Variants in DOP1A observed in about 807,000 individuals in gnomAD.
DOP1A encodes DOP1 leucine zipper like protein A.
DOP1A carries 90 observed loss-of-function variants against 267.6 expected under a neutral mutation model. That is an observed-to-expected ratio of 0.34 (90% CI 0.28 to 0.40). The LOEUF (loss-of-function observed/expected upper bound fraction) is 0.40. Among genes scored for constraint, DOP1A ranks in the 10% least tolerant of loss-of-function variants. The pLI is 1.00. For synonymous variants in DOP1A, 932 were observed against 999.1 expected (o/e 0.93, Z 1.27); for missense variants, 2,437 against 2,900.4 (o/e 0.84, Z 3.67).
chr6:83,168,758 T>G, downstream of DOP1A: 2 of 1,000,822 alleles, frequency 2.0e-6, no homozygotes, highest in Non-Finnish European at 2.4e-6. Flanking sequence ...GTCATATAGG[T>G]AAGTCATCTA....
intron 1 of DOP1A, among the ~76,000 whole-genome samples, chr6:83,081,780 T>C (rs1311192313): frequency 6.6e-6 from 1 of 152,186 alleles, no homozygotes; most frequent in Non-Finnish European, 1.5e-5. Context: ...AGAAAATATC[T>C]GCACACCATA....
At chr6:83,136,213 T>C (rs1253396826) in intron 20 of DOP1A, among the ~76,000 whole-genome samples, 1 of 152,168 alleles carries the variant, frequency 6.6e-6, no homozygotes, top group Non-Finnish European at 1.5e-5. Context: ...CATTGGGAAT[T>C]TATAGTAAAT....
intron 24 of DOP1A, 25 bp from the exon 25 acceptor site, chr6:83,145,499 A>T (rs372052661): frequency 6.4e-7 from 1 of 1,555,774 alleles, no homozygotes; most frequent in Non-Finnish European, 8.7e-7. Context: ...ACATACATAC[A>T]TACATACAAT....
rs528855726 is a variant in DOP1A, at chr6:83,105,109, AATATATAC to A, written c.321-3792_321-3785del. Among the ~76,000 whole-genome samples the A allele has an allele frequency of 3.2e-3, 489 of 152,226 alleles. 3 individuals carry two copies. Among genetic ancestry groups the A allele is most frequent in the African/African-American group, 0.011 (453 of 41,560 alleles). On this transcript the variant is annotated intron_variant, in intron 4 of 38. Transcript: ENST00000349129. ...AGACATATAATAACCAAACAATTAA[AATATATAC>A]ATATATACTCTCCAAAAAATAAGCT... is the stretch of plus-strand genomic sequence containing the variant.
rs770315078 is a variant in DOP1A at position 83,109,049 on chromosome 6, G to A, written c.460G>A (p.Gly154Ser). Residue 154 changes from glycine to serine, a missense_variant, in exon 5 of 39, where the codon GGC (glycine) becomes AGC (serine). Around this residue, in one of 9 missense-constraint regions of DOP1A, gnomAD observed 251 missense variants for 359.1 expected, o/e 0.70. Coordinates refer to ENST00000349129, the MANE Select transcript of DOP1A (RefSeq NM_015018.4). The stretch of plus-strand genomic sequence containing the variant: ...GGGATTGCTTACTGGTATTCTTCCT[G>A]GCTTAGAAGAAGGATCAGAGTACTA... ...LQGLLTGILPGLEEGSEYYER... is the reference protein window; with the variant it reads ...LQGLLTGILPSLEEGSEYYER... 3.7e-6 allele frequency: 6 copies of A among 1,613,088 alleles called. No homozygotes were observed. The highest frequency in any genetic ancestry group is 5.1e-6 in the Non-Finnish European group (6 of 1,179,770).
intron 24 of DOP1A, among the ~76,000 whole-genome samples, chr6:83,144,590 T>C (rs1010080294): frequency 6.6e-6 from 1 of 152,086 alleles, no homozygotes. Flanking sequence ...CATGTGAACA[T>C]TGGATATGGA....
At chr6:83,071,002 C>A (rs1055730368) in intron 1 of DOP1A, among the ~76,000 whole-genome samples, 1 of 152,180 alleles carries the variant, frequency 6.6e-6, no homozygotes, top group African/African-American at 2.4e-5. Flanking sequence ...TTGCCATAAA[C>A]AGAAGGTGGA....
chr6:83,146,712 C>T (rs1368763383), intron 25 of DOP1A, among the ~76,000 whole-genome samples: 1 of 152,138 alleles, frequency 6.6e-6, no homozygotes, highest in African/African-American at 2.4e-5. Context: ...TCTCTGGCCT[C>T]TTGTTAATTT....
At chr6:83,090,125 C>A (rs781750646) in intron 1 of DOP1A, among the ~76,000 whole-genome samples, 7 of 152,102 alleles carry the variant, frequency 4.6e-5, no homozygotes, top group Non-Finnish European at 7.4e-5. Context: ...GTTTTGATTT[C>A]GTAGGAAATA....
intron 1 of DOP1A, among the ~76,000 whole-genome samples, chr6:83,083,846 A>T (rs1439523560): frequency 6.6e-6 from 1 of 152,232 alleles, no homozygotes; most frequent in Non-Finnish European, 1.5e-5. Context: ...ATTCCAAGTT[A>T]TAAATGGTGC....
At position 83,168,178 on chromosome 6, in the gene DOP1A, T is replaced by C; in HGVS notation, c.*11T>C. ...ATGATAAAAACTTGAGCACCATTGC[T>C]GGTTCCATTTAGCTTACATGTAAAT... On this transcript the variant is annotated 3_prime_UTR_variant, in exon 39 of 39. Coordinates refer to ENST00000349129, the MANE Select transcript of DOP1A (RefSeq NM_015018.4). The C allele has an allele frequency of 6.2e-7, 1 of 1,605,846 alleles. No homozygotes were observed. The highest frequency in any genetic ancestry group is 8.5e-7 in the Non-Finnish European group (1 of 1,176,814).
chr6:83,082,732 C>T (rs139698678), intron 1 of DOP1A, among the ~76,000 whole-genome samples: 163 of 152,110 alleles, frequency 1.1e-3, no homozygotes, highest in African/African-American at 3.8e-3. Flanking sequence ...TGTGTATATA[C>T]TTCAAAACAT....
chr6:83,094,153 A>C (rs1469494188), intron 1 of DOP1A, among the ~76,000 whole-genome samples: 3 of 152,102 alleles, frequency 2.0e-5, no homozygotes, highest in Non-Finnish European at 4.4e-5. Flanking sequence ...ATTTCATATA[A>C]ATGGAATCAT....
At chr6:83,078,378 A>G (rs1767490024) in intron 1 of DOP1A, among the ~76,000 whole-genome samples, 1 of 152,226 alleles carries the variant, frequency 6.6e-6, no homozygotes, top group South Asian at 2.1e-4. Flanking sequence ...CCAGCAGGGA[A>G]CATGCTCCAC....
intron 30 of DOP1A, among the ~76,000 whole-genome samples, 180 bp downstream of exon 30, chr6:83,152,547 A>G (rs1385654580): frequency 1.3e-5 from 2 of 151,898 alleles, no homozygotes; most frequent in Non-Finnish European, 2.9e-5. Flanking sequence ...TAGTTTGCCA[A>G]ACATTAGTGA....
At chr6:83,119,976 C>A (rs1353355578) in intron 9 of DOP1A, 119 bp downstream of exon 9, 4 of 660,186 alleles carry the variant, frequency 6.1e-6, no homozygotes, top group Non-Finnish European at 9.7e-6. Flanking sequence ...ACAAGACTTA[C>A]AAACTTCCCA....
At chr6:83,169,856 G>GGCAC, downstream of DOP1A, 1 of 455,982 alleles carries the variant, frequency 2.2e-6, no homozygotes, top group South Asian at 1.6e-5. Flanking sequence ...CAGGGAAACA[G>GGCAC]GCACAGAGTA....
intron 1 of DOP1A, among the ~76,000 whole-genome samples, chr6:83,078,678 CAG>C (rs1767557196): frequency 6.6e-6 from 1 of 152,116 alleles, no homozygotes; most frequent in East Asian, 1.9e-4. Flanking sequence ...ATTCTGACAA[CAG>C]AGGTACTGTG....
intron 4 of DOP1A, among the ~76,000 whole-genome samples, chr6:83,108,374 C>A (rs934945760): frequency 1.3e-5 from 2 of 152,118 alleles, no homozygotes; most frequent in Non-Finnish European, 2.9e-5. Flanking sequence ...GATGGGGTCT[C>A]ACTATATTTC....
Sources: allele counts gnomAD v4.1 joint callset (sites outside exome capture counted in the v4.1 genomes callset), GRCh38; gene constraint gnomAD v4.1.1; regional missense constraint gnomAD v4.1.1; transcripts MANE v1.5; gene names NCBI Gene and HGNC (gene_info 2026-07-23, HGNC 2026-07-21).